The following TBC1D10A variants were observed in gnomAD, a reference collection of about 807,000 sequenced individuals.
TBC1D10A encodes the protein TBC1 domain family member 10A, also known as EBP50-PDX interactor of 64 kDa.
A neutral mutation model predicts 52.9 loss-of-function variants in TBC1D10A; 24 were observed. The ratio of observed to expected loss-of-function variants is 0.45; its 90% CI spans 0.33 to 0.64. The LOEUF is 0.64. Ranked by LOEUF, TBC1D10A falls within the 30% of genes least tolerant of loss-of-function variation. The probability of loss-of-function intolerance (pLI) is 0.02; values close to 1 mark genes in which losing one functional copy is unlikely to be tolerated. For missense variants in TBC1D10A, 602 were observed against 687.9 expected (o/e 0.88, Z 1.40); for synonymous variants, 278 against 282.9 (o/e 0.98, Z 0.17).
At chr22:30,295,089 G>C in intron 4 of TBC1D10A, 34 bp from the exon 5 acceptor site, 1 of 1,604,986 alleles carries the variant, frequency 6.2e-7, no homozygotes. Context: ...GTGATGACCG[G>C]GGTGACTCTG....
chr22:30,322,082 C>T (rs911031845), intron 1 of TBC1D10A, among the ~76,000 whole-genome samples: 1 of 151,608 alleles, frequency 6.6e-6, no homozygotes, highest in Non-Finnish European at 1.5e-5. Flanking sequence ...CAAGCTCAAG[C>T]GATTCTCCTG....
rs973038753 is a variant in TBC1D10A at position 30,292,270 on chromosome 22, T to A, written c.*105A>T. Reference sequence around the variant, plus strand: ...CCAGCCAGACTCCAGCCCAGCCCAGTGGCCAGGCAGCTTGGCCCTCAGAGG... The same window carrying A: ...CCAGCCAGACTCCAGCCCAGCCCAGAGGCCAGGCAGCTTGGCCCTCAGAGG... On this transcript the variant is annotated 3_prime_UTR_variant, in exon 9 of 9. Transcript: ENST00000215790. 10 of 1,034,824 alleles carry A rather than the reference T, an allele frequency of 9.7e-6. No individual in the cohort carries two copies. In the Admixed American group the frequency reaches 2.6e-4, roughly 26 times the overall value. 64.1% of individuals were successfully genotyped at this position (1,034,824 alleles called of 1,614,324 possible).
Position 30,326,664 on chromosome 22 carries a change from G to A in TBC1D10A, c.209+9C>T. 1.9e-6 allele frequency: 3 copies of A among 1,554,176 alleles called. No homozygotes were observed. The South Asian group carries it at 3.4e-5, about 18-fold the overall frequency. ...GGCGCGCTCAGTCCCGACCCCCGGC[G>A]CTACTCACGCGCCCTCGGCGCCCTG... is the stretch of plus-strand genomic sequence containing the variant. On this transcript the variant is annotated intron_variant, in intron 1 of 8. Transcript: ENST00000215790.
At chr22:30,308,284 A>ATGCCTGCATGCCTGCATGCATGCC (rs1930351881) in intron 1 of TBC1D10A, among the ~76,000 whole-genome samples, 93 of 119,746 alleles carry the variant, frequency 7.8e-4, no homozygotes, top group African/African-American at 2.9e-3. Flanking sequence ...CACAGCCTGC[A>ATGCCTGCATGCCTGCATGCATGCC]TGCCTGCATG....
chr22:30,295,013 G>A lies in TBC1D10A; in HGVS notation c.567C>T (p.Tyr189=). 1 of 1,614,034 alleles carries A rather than the reference G, an allele frequency of 6.2e-7. No homozygotes were observed. The highest frequency in any genetic ancestry group is 8.5e-7 in the Non-Finnish European group (1 of 1,180,018). The change falls in exon 5 of 9, where the codon TAC becomes TAT. Residue 189 remains tyrosine, a synonymous_variant. Coordinates refer to ENST00000215790, the MANE Select transcript of TBC1D10A (RefSeq NM_031937.3). The part of the protein sequence containing the change: ...LFRVLKAYTL[Y]RPEEGYCQAQ... ...CCTGGCAGTAGCCCTCCTCGGGCCGGTACAGCGTGTAGGCCTTCAGCACAC... is the reference window on the plus strand; with the variant it reads ...CCTGGCAGTAGCCCTCCTCGGGCCGATACAGCGTGTAGGCCTTCAGCACAC...
chr22:30,317,651 G>C (rs1930567548), intron 1 of TBC1D10A, among the ~76,000 whole-genome samples: 1 of 152,160 alleles, frequency 6.6e-6, no homozygotes, highest in Non-Finnish European at 1.5e-5. Flanking sequence ...GTCTCGCTCT[G>C]TCACCCAGGC....
rs376248925 is a variant in TBC1D10A, at chr22:30,326,866, C to T, written c.16G>A (p.Gly6Arg). ...GCGGGCGCGCGCGGCCCATTCTCTC[C>T]GTTGCTCTTCGCCATCCCAGCCGCG... MAKSN[G>R]ENGPRAPAAG... The change falls in exon 1 of 9, where the codon GGA (glycine) becomes AGA (arginine). Residue 6 changes from glycine (G) to arginine (R), a missense_variant. Around this residue, in one of 3 missense-constraint regions of TBC1D10A, gnomAD observed 201 missense variants for 204.4 expected, o/e 0.98. Coordinates refer to ENST00000215790, the MANE Select transcript of TBC1D10A (RefSeq NM_031937.3). The T allele has an allele frequency of 2.0e-4, 299 of 1,506,774 alleles. 2 individuals are homozygous for T. The South Asian group carries it at 3.5e-3, about 18-fold the overall frequency. 93.3% of individuals were successfully genotyped at this position (1,506,774 alleles called of 1,614,324 possible).
intron 1 of TBC1D10A, among the ~76,000 whole-genome samples, chr22:30,313,092 T>C (rs1471566645): frequency 2.0e-5 from 3 of 152,022 alleles, no homozygotes; most frequent in African/African-American, 7.2e-5. Context: ...AGGAAGTAGC[T>C]AGGCTGAGAA....
intron 1 of TBC1D10A, among the ~76,000 whole-genome samples, chr22:30,306,180 C>T (rs1238112401): frequency 6.6e-6 from 1 of 152,136 alleles, no homozygotes; most frequent in East Asian, 1.9e-4. Context: ...CAGAAGGGTG[C>T]CCAAACTGAG....
chr22:30,326,910 G>C lies in TBC1D10A; in HGVS notation c.-29C>G, dbSNP rs748564534. On this transcript the variant is annotated 5_prime_UTR_variant, in exon 1 of 9. Transcript: ENST00000215790. ...AGCCGCGCCCGCCGCCTGAGCTCCA[G>C]CGGCCACCTCAGCCGCCCTGCTGCC... 5 of 1,447,760 alleles carry C rather than the reference G, an allele frequency of 3.5e-6. No individual in the cohort carries two copies. The highest frequency in any genetic ancestry group is 3.6e-6 in the Non-Finnish European group (4 of 1,105,174). The allele number at this position is 1,447,760 out of a possible 1,614,324, so 89.7% of individuals were successfully genotyped here.
Position 30,326,672 on chromosome 22 carries a change from C to T in TBC1D10A, c.209+1G>A. ...CAGTCCCGACCCCCGGCGCTACTCA[C>T]GCGCCCTCGGCGCCCTGCGAGCCCA... On this transcript the variant is annotated splice_donor_variant, in intron 1 of 8. Coordinates refer to ENST00000215790, the MANE Select transcript of TBC1D10A (RefSeq NM_031937.3). LOFTEE classifies it high-confidence loss of function. 1 of 1,553,082 alleles carries T rather than the reference C, an allele frequency of 6.4e-7. No individual in the cohort carries two copies.
Position 30,304,565 on chromosome 22 carries a change from T to A in TBC1D10A, c.275A>T (p.Asn92Ile). The part of the protein sequence containing the change: ...RESKWLDMLN[N>I]WDKWMAKKHK... ...CTTCTTGGCCATCCATTTGTCCCAG[T>A]TGTTGAGCATGTCCAGCCACTTGGA... is the stretch of plus-strand genomic sequence containing the variant. The change falls in exon 2 of 9, where the codon AAC (asparagine) becomes ATC (isoleucine). Residue 92 changes from asparagine to isoleucine, a missense_variant. Transcript: ENST00000215790. The A allele has an allele frequency of 6.2e-7, 1 of 1,614,088 alleles. No individual in the cohort carries two copies. Among genetic ancestry groups the A allele is most frequent in the Non-Finnish European group, 8.5e-7 (1 of 1,179,974 alleles).
intron 2 of TBC1D10A, among the ~76,000 whole-genome samples, chr22:30,303,575 G>A (rs931757523): frequency 2.0e-5 from 3 of 152,266 alleles, no homozygotes; most frequent in Non-Finnish European, 2.9e-5. Flanking sequence ...GAGAGGAAAG[G>A]AGTGGGGCTG....
chr22:30,299,459 G>T lies in TBC1D10A; in HGVS notation c.402C>A (p.Asn134Lys). The change falls in exon 3 of 9, where the codon AAC becomes AAA. Residue 134 changes from asparagine to lysine, a missense_variant. Transcript: ENST00000215790. ...LSGGKVKLQQ[N>K]PGKFDELDMS... is the part of the protein sequence containing the mutation. Reference sequence around the variant, plus strand: ...GGAAACTTACGTCAAACTTTCCAGGGTTCTGCTGTAACTTCACCTTGCCTC... The same window carrying T: ...GGAAACTTACGTCAAACTTTCCAGGTTTCTGCTGTAACTTCACCTTGCCTC... 1.2e-6 allele frequency: 2 copies of T among 1,614,148 alleles called. No individual in the cohort carries two copies. The highest frequency in any genetic ancestry group is 1.7e-6 in the Non-Finnish European group (2 of 1,179,982).
rs1370374751 is a variant in TBC1D10A at position 30,295,750 on chromosome 22, G to A, written c.511C>T (p.Arg171Trp). 12 of 1,613,796 alleles carry A rather than the reference G, an allele frequency of 7.4e-6. No homozygotes were observed. The highest frequency in any genetic ancestry group is 2.2e-5 in the East Asian group (1 of 44,888). ...CAGCCTGCTCACCCGTGGCCCCCCC[G>A]GGACACAAACATCTCATGGAATGGG... ...QFPFHEMFVSRGGHGQQDLFR... is the reference protein window; with the variant it reads ...QFPFHEMFVSWGGHGQQDLFR... The change falls in exon 4 of 9, where the codon CGG (arginine) becomes TGG (tryptophan). Residue 171 changes from arginine (R) to tryptophan (W), a missense_variant. Transcript: ENST00000215790.
chr22:30,295,945 G>C, intron 3 of TBC1D10A, 102 bp from the exon 4 acceptor site: 2 of 1,029,360 alleles, frequency 1.9e-6, no homozygotes, highest in Non-Finnish European at 2.8e-6. Context: ...CTCCACCAGG[G>C]GCAGTGCCCA....
rs535595926 is a variant in TBC1D10A, at chr22:30,314,548, G to A, written c.210-9918C>T. On this transcript the variant is annotated intron_variant, in intron 1 of 8. Coordinates refer to ENST00000215790, the MANE Select transcript of TBC1D10A (RefSeq NM_031937.3). ...CATGGTGCCAGGCACAGTAGCTCAC[G>A]CCTATAATCCCAACATTTTGGGAGG... 4.0e-3 allele frequency among the ~76,000 whole-genome samples: 602 copies of A among 152,228 alleles called. 2 individuals are homozygous for A. Among genetic ancestry groups the A allele is most frequent in the Non-Finnish European group, 6.9e-3 (466 of 68,004 alleles).
intron 1 of TBC1D10A, among the ~76,000 whole-genome samples, chr22:30,323,964 C>T (rs1449876530): frequency 1.5e-5 from 1 of 67,352 alleles, no homozygotes; most frequent in Non-Finnish European, 2.5e-5. Flanking sequence ...GAGCGAGACT[C>T]CGTCTCAAAA....
chr22:30,292,462 G>T lies in TBC1D10A; in HGVS notation c.1440C>A (p.Ala480=), dbSNP rs768103511. The T allele has an allele frequency of 6.2e-6, 10 of 1,603,930 alleles. No individual in the cohort carries two copies. In the East Asian group the frequency reaches 1.3e-4, roughly 21 times the overall value. The change falls in exon 9 of 9, where the codon GCC becomes GCA. Residue 480 remains alanine (A), a synonymous_variant. Coordinates refer to ENST00000215790, the MANE Select transcript of TBC1D10A (RefSeq NM_031937.3). ...AGACCTGGGGAGCCAAATCCTGAGGGGCTGAGTCCTTGGGGGCTGAGTCCT... is the reference window on the plus strand; with the variant it reads ...AGACCTGGGGAGCCAAATCCTGAGGTGCTGAGTCCTTGGGGGCTGAGTCCT... ...PPKDSAPKDS[A]PQDLAPQVSA...
Sources: gnomAD v4.1 joint callset for allele counts (sites outside exome capture counted in the v4.1 genomes callset) on GRCh38, gnomAD v4.1.1 for gene constraint, gnomAD v4.1.1 regional missense constraint, MANE v1.5 for transcripts, NCBI Gene and HGNC (gene_info 2026-07-23, HGNC 2026-07-21) for gene names.